PIGL: variants seen among roughly 807,000 people sequenced by gnomAD.
PIGL encodes the protein N-acetylglucosaminyl-phosphatidylinositol de-N-acetylase.
In PIGL, 22 loss-of-function variants were observed where a neutral mutation model predicts 31.1. That is an observed-to-expected ratio of 0.71 (90% CI 0.51 to 1.01). The LOEUF (loss-of-function observed/expected upper bound fraction) is 1.01, where lower values mean the gene tolerates loss of function less well. PIGL is among the 50% of genes least tolerant of loss of function. The pLI, the probability that PIGL is intolerant of heterozygous loss-of-function variation, is 0.00. For synonymous variants in PIGL, 131 were observed against 117.4 expected (o/e 1.12, Z -0.75); for missense variants, 302 against 315.9 (o/e 0.96, Z 0.33).
At chr17:16,256,691 TTGTG>T (rs1318444048) in intron 2 of PIGL, among the ~76,000 whole-genome samples, 3 of 105,838 alleles carry the variant, frequency 2.8e-5, no homozygotes, top group Non-Finnish European at 5.8e-5. Flanking sequence ...GTTTTGTTTT[TTGTG>T]TGTTTGTTTG....
intron 2 of PIGL, among the ~76,000 whole-genome samples, chr17:16,268,158 A>G (rs2092853376): frequency 6.6e-6 from 1 of 152,228 alleles, no homozygotes; most frequent in Non-Finnish European, 1.5e-5. Context: ...TGACTGGTCT[A>G]CATGACCTGA....
intron 1 of PIGL, among the ~76,000 whole-genome samples, chr17:16,231,451 G>A (rs1013093711): frequency 1.3e-5 from 2 of 151,526 alleles, no homozygotes; most frequent in African/African-American, 4.9e-5. Context: ...TGTTGACCAG[G>A]CTGGTTTTGA....
intron 2 of PIGL, among the ~76,000 whole-genome samples, chr17:16,235,601 C>G (rs2142683750): frequency 6.6e-6 from 1 of 151,680 alleles, no homozygotes; most frequent in Middle Eastern, 3.4e-3. Context: ...CATCCACCAC[C>G]ACACCTGGCT....
rs897190191 is a variant in PIGL at position 16,267,751 on chromosome 17, G to T, written c.336-32137G>T. On this transcript the variant is annotated intron_variant, in intron 2 of 6. Coordinates refer to ENST00000225609, the MANE Select transcript of PIGL (RefSeq NM_004278.4). ...AGGAAAGAAATTAACCCGAATTTGT[G>T]GTTTCTAACTTGGCAATTAGTCTTT... Among the ~76,000 whole-genome samples the T allele has an allele frequency of 3.3e-5, 5 of 151,952 alleles. No homozygotes were observed. The East Asian group carries it at 9.6e-4, about 29-fold the overall frequency.
At chr17:16,224,513 G>T (rs2092643420) in intron 1 of PIGL, among the ~76,000 whole-genome samples, 1 of 151,648 alleles carries the variant, frequency 6.6e-6, no homozygotes, top group African/African-American at 2.4e-5. Context: ...TGCCATGTTG[G>T]CCAGGCTGGT....
chr17:16,225,639 TTTGTTG>T (rs772652381), intron 1 of PIGL, among the ~76,000 whole-genome samples: 1 of 151,716 alleles, frequency 6.6e-6, no homozygotes, highest in African/African-American at 2.4e-5. Flanking sequence ...TTTGTTTTCT[TTTGTTG>T]TTGTTGTTGT....
chr17:16,268,944 A>T (rs2142765359), intron 2 of PIGL, among the ~76,000 whole-genome samples: 1 of 151,912 alleles, frequency 6.6e-6, no homozygotes, highest in East Asian at 1.9e-4. Context: ...TTGTATTTTT[A>T]GTAGAGACAG....
chr17:16,250,667 G>A lies in PIGL; in HGVS notation c.335+16597G>A, dbSNP rs141796686. On this transcript the variant is annotated intron_variant, in intron 2 of 6. Transcript: ENST00000225609. ...GAAGTTTTATAGAGGACCTGTACTC[G>A]TAACAATAACAGTAAATATAAAACT... Among the ~76,000 whole-genome samples the A allele has an allele frequency of 4.1e-3, 626 of 152,276 alleles. 6 individuals are homozygous for A. Among genetic ancestry groups the A allele is most frequent in the African/African-American group, 0.014 (602 of 41,564 alleles).
chr17:16,226,003 GA>G (rs59842953), intron 1 of PIGL, among the ~76,000 whole-genome samples: 2,884 of 129,318 alleles, frequency 0.022, 78 homozygotes, highest in African/African-American at 0.068. Flanking sequence ...GCCAGACCAG[GA>G]AAAAAAAAAA....
intron 2 of PIGL, among the ~76,000 whole-genome samples, chr17:16,274,492 G>A (rs539301482): frequency 1.2e-3 from 180 of 152,258 alleles, no homozygotes; most frequent in Admixed American, 2.2e-3. Context: ...GGAGGCCGAG[G>A]CGGGTGGATC....
chr17:16,232,655 G>C (rs1305830603), intron 1 of PIGL, among the ~76,000 whole-genome samples: 3 of 151,596 alleles, frequency 2.0e-5, no homozygotes, highest in Non-Finnish European at 4.4e-5. Context: ...CAACACTAAT[G>C]TACATGAGAC....
chr17:16,224,857 C>T (rs918707559), intron 1 of PIGL, among the ~76,000 whole-genome samples: 4 of 151,744 alleles, frequency 2.6e-5, no homozygotes, highest in Middle Eastern at 3.4e-3. Flanking sequence ...AGGGTTTCAC[C>T]GTGTTAGCCA....
At chr17:16,277,689 G>A (rs1209615351) in intron 2 of PIGL, among the ~76,000 whole-genome samples, 1 of 152,128 alleles carries the variant, frequency 6.6e-6, no homozygotes, top group Non-Finnish European at 1.5e-5. Flanking sequence ...ACCTGTTAGA[G>A]TTCTATAATT....
chr17:16,253,373 G>T (rs1270552503), intron 2 of PIGL, among the ~76,000 whole-genome samples: 2 of 152,172 alleles, frequency 1.3e-5, no homozygotes, highest in African/African-American at 4.8e-5. Context: ...GGCAAAACTT[G>T]AAGGTCTAAA....
chr17:16,244,710 T>C (rs2092737021), intron 2 of PIGL, among the ~76,000 whole-genome samples: 1 of 152,196 alleles, frequency 6.6e-6, no homozygotes, highest in African/African-American at 2.4e-5. Context: ...GGTCTCACTC[T>C]GTCACCCAGG....
At chr17:16,222,350 TTG>T (rs1194429642) in intron 1 of PIGL, among the ~76,000 whole-genome samples, 1 of 151,950 alleles carries the variant, frequency 6.6e-6, no homozygotes, top group African/African-American at 2.4e-5. Context: ...TCAGTAACTC[TTG>T]GATTTGCATG....
At chr17:16,319,316 G>A (rs574032606) in intron 6 of PIGL, among the ~76,000 whole-genome samples, 87 of 150,654 alleles carry the variant, frequency 5.8e-4, no homozygotes, top group African/African-American at 2.0e-3. Flanking sequence ...TGCCAATTAC[G>A]CCACTGTATG....
At chr17:16,235,145 A>C (rs2092694430) in intron 2 of PIGL, among the ~76,000 whole-genome samples, 1 of 152,204 alleles carries the variant, frequency 6.6e-6, no homozygotes. Context: ...CTAGCTACAG[A>C]CAGCCATTAT....
chr17:16,307,067 C>T (rs1227618571), intron 3 of PIGL, among the ~76,000 whole-genome samples: 5 of 152,178 alleles, frequency 3.3e-5, no homozygotes, highest in Non-Finnish European at 5.9e-5. Context: ...CAGGGAGCTG[C>T]TCGGTTTTAA....
Sources: allele counts gnomAD v4.1 joint callset (sites outside exome capture counted in the v4.1 genomes callset), GRCh38; gene constraint gnomAD v4.1.1; transcripts MANE v1.5; gene names NCBI Gene and HGNC (gene_info 2026-07-23, HGNC 2026-07-21).